ZNF497: variants seen among roughly 807,000 people sequenced by gnomAD.
ZNF497 encodes the protein zinc finger protein 497.
For missense variants in ZNF497, 930 were observed against 714.0 expected (o/e 1.30, Z -3.45); for synonymous variants, 422 against 313.7 (o/e 1.35, Z -3.65).
At position 58,362,738 on chromosome 19, in the gene ZNF497, G is replaced by A. The variant is rs1209825246; in HGVS notation, c.-173C>T. The A allele has an allele frequency of 6.6e-6, 1 of 152,166 alleles. No individual in the cohort carries two copies. Among genetic ancestry groups the A allele is most frequent in the Non-Finnish European group, 1.5e-5 (1 of 68,006 alleles). 9.4% of individuals were successfully genotyped at this position (152,166 alleles called of 1,614,324 possible). On this transcript the variant is annotated 5_prime_UTR_variant, in exon 1 of 3. Coordinates refer to ENST00000311044, the MANE Select transcript of ZNF497 (RefSeq NM_198458.3). ...CTGAAAGAGGCCCGCACGCGGGCTC[G>A]AGCCGCGTGGAATGGTAGGAGGGCG...
Position 58,356,593 on chromosome 19 carries a change from T to A in ZNF497, c.1043A>T (p.His348Leu). Reference sequence around the variant, plus strand: ...CTTCTCGCCCGTGTGCACGCGCCGGTGCTCCGCCAGGTAGGAGCCCATGAC... The same window carrying A: ...CTTCTCGCCCGTGTGCACGCGCCGGAGCTCCGCCAGGTAGGAGCCCATGAC... ...AFVMGSYLAE[H>L]RRVHTGEKPH... Residue 348 changes from histidine to leucine, a missense_variant, in exon 3 of 3, where the codon CAC (histidine) becomes CTC (leucine). Coordinates refer to ENST00000311044, the MANE Select transcript of ZNF497 (RefSeq NM_198458.3). 1 of 1,546,742 alleles carries A rather than the reference T, an allele frequency of 6.5e-7. No individual in the cohort carries two copies. Among genetic ancestry groups the A allele is most frequent in the Non-Finnish European group, 8.7e-7 (1 of 1,150,886 alleles).
chr19:58,358,188 G>A (rs1191171389), intron 2 of ZNF497: 1 of 1,290,028 alleles, frequency 7.8e-7, no homozygotes, highest in Non-Finnish European at 1.0e-6. Context: ...CCAGGCTGGA[G>A]GATCTCAGTG....
rs1474703686 is a variant in ZNF497 at position 58,357,161 on chromosome 19, C to G, written c.475G>C (p.Glu159Gln). The part of the protein sequence containing the change: ...LSQHQRIHSG[E>Q]KPYACRECGK... ...CACTCCCTGCAAGCGTAGGGCTTCT[C>G]GCCGCTGTGGATGCGCTGGTGCTGG... Residue 159 changes from glutamate (E) to glutamine (Q), a missense_variant, in exon 3 of 3, where the codon GAG (glutamate) becomes CAG (glutamine). By Grantham distance (29) the Glu-to-Gln change is conservative. Transcript: ENST00000311044. 1 of 1,612,710 alleles carries G rather than the reference C, an allele frequency of 6.2e-7. No individual in the cohort carries two copies. The highest frequency in any genetic ancestry group is 1.7e-5 in the Admixed American group (1 of 59,936).
chr19:58,361,708 G>C (rs972746311), intron 1 of ZNF497, among the ~76,000 whole-genome samples: 1 of 151,910 alleles, frequency 6.6e-6, no homozygotes, highest in Non-Finnish European at 1.5e-5. Context: ...GCGTACATAG[G>C]GTATGCATTA....
chr19:58,356,529 C>G lies in ZNF497; in HGVS notation c.1107G>C (p.Gln369His). 1 of 1,546,880 alleles carries G rather than the reference C, an allele frequency of 6.5e-7. No individual in the cohort carries two copies. The highest frequency in any genetic ancestry group is 8.7e-7 in the Non-Finnish European group (1 of 1,151,846). Residue 369 changes from glutamine to histidine, a missense_variant, in exon 3 of 3, where the codon CAG (glutamine) becomes CAC (histidine). Coordinates refer to ENST00000311044, the MANE Select transcript of ZNF497 (RefSeq NM_198458.3). ...ACAQCGKAFS[Q>H]RSNLLSHRRT... Reference sequence around the variant, plus strand: ...GCCGGTGGCTCAGTAGGTTGGAGCGCTGGCTGAAGGCCTTGCCGCACTGGG... The same window carrying G: ...GCCGGTGGCTCAGTAGGTTGGAGCGGTGGCTGAAGGCCTTGCCGCACTGGG...
At chr19:58,361,291 A>G (rs899154834) in intron 1 of ZNF497, among the ~76,000 whole-genome samples, 1 of 152,232 alleles carries the variant, frequency 6.6e-6, no homozygotes, top group Non-Finnish European at 1.5e-5. Context: ...CTGTAAGGGC[A>G]ACACGGGGAT....
chr19:58,357,149 C>G lies in ZNF497; in HGVS notation c.487G>C (p.Ala163Pro), dbSNP rs201423136. Residue 163 changes from alanine to proline, a missense_variant, in exon 3 of 3, where the codon GCT becomes CCT. Transcript: ENST00000311044. ...QRIHSGEKPY[A>P]CRECGKAFRA... ...AAGGCCTTGCCGCACTCCCTGCAAGCGTAGGGCTTCTCGCCGCTGTGGATG... is the reference window on the plus strand; with the variant it reads ...AAGGCCTTGCCGCACTCCCTGCAAGGGTAGGGCTTCTCGCCGCTGTGGATG... 1 of 1,601,812 alleles carries G rather than the reference C, an allele frequency of 6.2e-7. No individual in the cohort carries two copies. Among genetic ancestry groups the G allele is most frequent in the South Asian group, 1.1e-5 (1 of 90,092 alleles).
chr19:58,360,365 T>C (rs571382379), intron 1 of ZNF497, among the ~76,000 whole-genome samples: 2 of 152,146 alleles, frequency 1.3e-5, no homozygotes, highest in South Asian at 4.1e-4. Flanking sequence ...CATTTCTTTT[T>C]CTTTTTCTTT....
intron 2 of ZNF497, chr19:58,357,907 G>C: frequency 7.3e-7 from 1 of 1,371,104 alleles, no homozygotes; most frequent in South Asian, 1.7e-5. Flanking sequence ...AGCAGGAGGG[G>C]AGGGGGCGCC....
intron 1 of ZNF497, among the ~76,000 whole-genome samples, chr19:58,361,612 C>T (rs1028386392): frequency 6.6e-6 from 1 of 152,196 alleles, no homozygotes; most frequent in African/African-American, 2.4e-5. Context: ...CCGCCTTGGC[C>T]TCCCAAAGTG....
At position 58,356,361 on chromosome 19, in the gene ZNF497, G is replaced by A. The variant is rs768847216; in HGVS notation, c.1275C>T (p.Gly425=). ...ACAECGKAFR[G]SSELRQHQRL... ...GCTGGTGCTGGCGCAGCTCGGAGCT[G>A]CCGCGGAAGGCCTTGCCGCATTCTG... The change falls in exon 3 of 3, where the codon GGC becomes GGT. Residue 425 remains glycine, a synonymous_variant. Transcript: ENST00000311044. The A allele has an allele frequency of 4.5e-6, 7 of 1,563,700 alleles. No individual in the cohort carries two copies. The East Asian group carries it at 1.4e-4, about 32-fold the overall frequency.
chr19:58,355,973 G>T lies in ZNF497; in HGVS notation c.*166C>A. Reference sequence around the variant, plus strand: ...GGTGGCCGGTGGACTATCGTCAAAGGGACTGTGCAGCCAGGGTTCTCCACA... The same window carrying T: ...GGTGGCCGGTGGACTATCGTCAAAGTGACTGTGCAGCCAGGGTTCTCCACA... On this transcript the variant is annotated 3_prime_UTR_variant, in exon 3 of 3. Transcript: ENST00000311044. 1 of 744,520 alleles carries T rather than the reference G, an allele frequency of 1.3e-6. No homozygotes were observed. Among genetic ancestry groups the T allele is most frequent in the Non-Finnish European group, 2.1e-6 (1 of 483,294 alleles). The allele number at this position is 744,520 out of a possible 1,614,324, so 46.1% of individuals were successfully genotyped here.
Position 58,357,121 on chromosome 19 carries a change from C to T in ZNF497, c.515G>A (p.Arg172His), listed in dbSNP as rs771227844. ...YACRECGKAF[R>H]AHSQLIHHQE... ...GTGGTGGATGAGCTGCGAGTGCGCG[C>T]GGAAGGCCTTGCCGCACTCCCTGCA... Residue 172 changes from arginine to histidine, a missense_variant, in exon 3 of 3, where the codon CGC becomes CAC. Transcript: ENST00000311044. The T allele has an allele frequency of 5.0e-6, 8 of 1,609,428 alleles. No individual in the cohort carries two copies. Among genetic ancestry groups the T allele is most frequent in the Non-Finnish European group, 6.8e-6 (8 of 1,176,860 alleles).
At chr19:58,358,259 G>A in intron 2 of ZNF497, 2 of 1,289,794 alleles carry the variant, frequency 1.6e-6, no homozygotes, top group Non-Finnish European at 1.0e-6. Flanking sequence ...GTGGTCCAAG[G>A]CATGGGGTGG....
In ZNF497 at chr19:58,356,387, C is replaced by A; in HGVS notation, c.1249G>T (p.Ala417Ser). 3 of 1,566,744 alleles carry A rather than the reference C, an allele frequency of 1.9e-6. No homozygotes were observed. The highest frequency in any genetic ancestry group is 1.7e-6 in the Non-Finnish European group (2 of 1,160,652). ...SHTGERPFAC[A>S]ECGKAFRGSS... The stretch of plus-strand genomic sequence containing the variant: ...CCGCGGAAGGCCTTGCCGCATTCTG[C>A]GCAGGCGAAGGGTCGCTCTCCCGTG... Residue 417 changes from alanine to serine, a missense_variant, in exon 3 of 3, where the codon GCA becomes TCA. Coordinates refer to ENST00000311044, the MANE Select transcript of ZNF497 (RefSeq NM_198458.3).
Position 58,357,394 on chromosome 19 carries a change from C to T in ZNF497, c.242G>A (p.Arg81Gln). ...CTCGCTCCTGGGCCCAGCCCCGTCC[C>T]GCCCACCGTCTGCGGGGCCCAGCTC... ...GRELGPADGG[R>Q]DGAGPRSEPA... Residue 81 changes from arginine (R) to glutamine (Q), a missense_variant, in exon 3 of 3, where the codon CGG (arginine) becomes CAG (glutamine). Transcript: ENST00000311044. The T allele has an allele frequency of 1.3e-6, 2 of 1,595,514 alleles. No homozygotes were observed. The highest frequency in any genetic ancestry group is 2.2e-5 in the South Asian group (2 of 89,372).
intron 1 of ZNF497, chr19:58,359,529 TC>T (rs1343164023): frequency 4.4e-6 from 2 of 451,376 alleles, no homozygotes; most frequent in Non-Finnish European, 8.9e-6. Context: ...TCCCCCCGCC[TC>T]CCCGCTTTTC....
rs1359219381 is a variant in ZNF497, at chr19:58,356,406, T to G, written c.1230A>C (p.Gly410=). 1.3e-6 allele frequency: 2 copies of G among 1,562,330 alleles called. No homozygotes were observed. Among genetic ancestry groups the G allele is most frequent in the African/African-American group, 1.4e-5 (1 of 72,958 alleles). The part of the protein sequence containing the change: ...GLAHHRLSHT[G]ERPFACAECG... ...ATTCTGCGCAGGCGAAGGGTCGCTC[T>G]CCCGTGTGCGAAAGCCGGTGGTGCG... is the stretch of plus-strand genomic sequence containing the variant. Residue 410 remains glycine, a synonymous_variant, in exon 3 of 3, where the codon GGA becomes GGC. Coordinates refer to ENST00000311044, the MANE Select transcript of ZNF497 (RefSeq NM_198458.3).
chr19:58,358,026 G>A lies in ZNF497; in HGVS notation c.-14-377C>T, dbSNP rs572357740. ...TGGGGCCCCAAGTGTCAAGAAGGTG[G>A]AGACTCCAGTTTGTGAGGAACACGA... is the stretch of plus-strand genomic sequence containing the variant. On this transcript the variant is annotated intron_variant, in intron 2 of 2. Coordinates refer to ENST00000311044, the MANE Select transcript of ZNF497 (RefSeq NM_198458.3). The A allele has an allele frequency of 3.3e-6, 4 of 1,222,302 alleles. No individual in the cohort carries two copies. The East Asian group carries it at 1.5e-4, about 47-fold the overall frequency. 75.7% of individuals were successfully genotyped at this position (1,222,302 alleles called of 1,614,324 possible). A position where few individuals can be genotyped will look rare whatever the true frequency, so the allele number is the denominator to read the frequency against.
Sources: allele counts gnomAD v4.1 joint callset (sites outside exome capture counted in the v4.1 genomes callset), GRCh38; gene constraint gnomAD v4.1.1; transcripts MANE v1.5; gene names NCBI Gene and HGNC (gene_info 2026-07-23, HGNC 2026-07-21).